LDB2: variants seen among roughly 807,000 people sequenced by gnomAD.
LDB2 encodes LIM domain-binding protein 2.
In LDB2, 12 loss-of-function variants were observed where a neutral mutation model predicts 44.3. That is an observed-to-expected ratio of 0.27 (90% CI 0.17 to 0.44). The LOEUF (loss-of-function observed/expected upper bound fraction) is 0.44, where lower values mean the gene tolerates loss of function less well. Ranked by LOEUF, LDB2 falls within the 20% of genes least tolerant of loss-of-function variation. LDB2 has a pLI of 1.00. For synonymous variants in LDB2, 164 were observed against 174.8 expected (o/e 0.94, Z 0.49); for missense variants, 344 against 473.5 (o/e 0.73, Z 2.54).
intron 2 of LDB2, among the ~76,000 whole-genome samples, chr4:16,642,976 G>A (rs1048870210): frequency 6.6e-6 from 1 of 152,108 alleles, no homozygotes; most frequent in African/African-American, 2.4e-5. Flanking sequence ...TCTTCCACCT[G>A]AATAGCAGGA....
At chr4:16,643,619 A>C (rs1222979135) in intron 2 of LDB2, among the ~76,000 whole-genome samples, 2 of 152,216 alleles carry the variant, frequency 1.3e-5, no homozygotes, top group Non-Finnish European at 2.9e-5. Flanking sequence ...AAATATAGTA[A>C]TTATTTCAAG....
chr4:16,833,578 C>G (rs1416198928), intron 1 of LDB2, among the ~76,000 whole-genome samples: 2 of 141,882 alleles, frequency 1.4e-5, no homozygotes, highest in Non-Finnish European at 3.0e-5. Context: ...GAGTCTCTCT[C>G]TGTCACCAGT....
intron 5 of LDB2, among the ~76,000 whole-genome samples, chr4:16,524,071 G>A (rs1480169873): frequency 6.6e-6 from 1 of 152,200 alleles, no homozygotes; most frequent in Non-Finnish European, 1.5e-5. Context: ...AGGAATGAAT[G>A]CTTGAAAATA....
intron 1 of LDB2, among the ~76,000 whole-genome samples, chr4:16,817,506 G>C (rs1403275690): frequency 6.6e-6 from 1 of 152,164 alleles, no homozygotes; most frequent in African/African-American, 2.4e-5. Context: ...TTGCAAGTCA[G>C]ATTTCAAGAG....
intron 1 of LDB2, among the ~76,000 whole-genome samples, chr4:16,853,247 A>C (rs1561445330): frequency 6.6e-6 from 1 of 152,238 alleles, no homozygotes. Flanking sequence ...ATAAAGGGTT[A>C]ATATCCCAAA....
At chr4:16,702,165 A>G (rs1753594416) in intron 2 of LDB2, among the ~76,000 whole-genome samples, 1 of 152,206 alleles carries the variant, frequency 6.6e-6, no homozygotes, top group Non-Finnish European at 1.5e-5. Flanking sequence ...CCTTGAGGAG[A>G]AAAGAAGTCC....
At chr4:16,701,768 T>C (rs1033133668) in intron 2 of LDB2, among the ~76,000 whole-genome samples, 1 of 152,184 alleles carries the variant, frequency 6.6e-6, no homozygotes, top group Non-Finnish European at 1.5e-5. Flanking sequence ...CTGAGTAATA[T>C]TGTTCACATT....
At chr4:16,676,210 C>A (rs759092735) in intron 2 of LDB2, among the ~76,000 whole-genome samples, 38 of 152,194 alleles carry the variant, frequency 2.5e-4, no homozygotes, top group Non-Finnish European at 4.9e-4. Context: ...AAATGAATTT[C>A]TTCTTTGTTG....
At chr4:16,896,100 G>A (rs532216258) in intron 1 of LDB2, among the ~76,000 whole-genome samples, 112 of 152,080 alleles carry the variant, frequency 7.4e-4, no homozygotes, top group African/African-American at 2.5e-3. Flanking sequence ...AAATGTAAAC[G>A]GTTAGCTCTA....
At chr4:16,749,325 C>T (rs796405629) in intron 2 of LDB2, among the ~76,000 whole-genome samples, 25 of 151,072 alleles carry the variant, frequency 1.7e-4, no homozygotes, top group Admixed American at 4.0e-4. Context: ...TTTGGGAGGC[C>T]GAGGTGGGTG....
chr4:16,614,590 A>C (rs28851271), intron 2 of LDB2, among the ~76,000 whole-genome samples: 3,554 of 151,124 alleles, frequency 0.024, 108 homozygotes, highest in African/African-American at 0.079. Flanking sequence ...CAAAAAAAAA[A>C]AAAAAAAAAA....
chr4:16,670,265 G>A (rs1051622367), intron 2 of LDB2, among the ~76,000 whole-genome samples: 1 of 152,116 alleles, frequency 6.6e-6, no homozygotes, highest in African/African-American at 2.4e-5. Flanking sequence ...AATCTAAGTA[G>A]GTCGCTTAGA....
chr4:16,584,558 C>A (rs1036182222), intron 5 of LDB2, among the ~76,000 whole-genome samples: 10 of 152,328 alleles, frequency 6.6e-5, no homozygotes, highest in African/African-American at 2.4e-4. Context: ...GAGACTACTT[C>A]AGTCACAAGA....
chr4:16,525,656 A>G (rs1289549489), intron 5 of LDB2, among the ~76,000 whole-genome samples: 1 of 152,226 alleles, frequency 6.6e-6, no homozygotes, highest in African/African-American at 2.4e-5. Context: ...TATAAGCAGG[A>G]AAAAAGAAAA....
At chr4:16,735,468 T>C (rs1463267270) in intron 2 of LDB2, among the ~76,000 whole-genome samples, 1 of 152,004 alleles carries the variant, frequency 6.6e-6, no homozygotes, top group Non-Finnish European at 1.5e-5. Context: ...CTGTGGGAGA[T>C]GGGGCTTAAC....
intron 1 of LDB2, among the ~76,000 whole-genome samples, chr4:16,895,501 A>C (rs7671482): frequency 0.41 from 61,655 of 151,972 alleles, 12,703 homozygotes; most frequent in Admixed American, 0.45. Flanking sequence ...GTCCATGTTC[A>C]AAAAGGGGTG....
rs528269641 is a variant in LDB2 at position 16,586,220 on chromosome 4, A to C, written c.532-215T>G. Among the ~76,000 whole-genome samples the C allele has an allele frequency of 1.5e-4, 23 of 152,258 alleles. 2 individuals carry two copies. The South Asian group carries it at 4.6e-3, about 30-fold the overall frequency. The stretch of plus-strand genomic sequence containing the variant: ...ATCAATTGTGCAAGACTGGGGAAAA[A>C]CCAAACTGCTCAGATGTGCTTTCAG... On this transcript the variant is annotated intron_variant, in intron 4 of 7. Coordinates refer to ENST00000304523, the MANE Select transcript of LDB2 (RefSeq NM_001290.5).
chr4:16,754,003 A>G (rs1207059543), intron 2 of LDB2, among the ~76,000 whole-genome samples: 1 of 152,168 alleles, frequency 6.6e-6, no homozygotes, highest in Non-Finnish European at 1.5e-5. Context: ...CCACTTAGAA[A>G]AGAATTAGGT....
rs1309622155 is a variant in LDB2, at chr4:16,502,659, G to T, written c.1106C>A (p.Pro369His). 2 of 1,613,848 alleles carry T rather than the reference G, an allele frequency of 1.2e-6. No individual in the cohort carries two copies. Among genetic ancestry groups the T allele is most frequent in the Non-Finnish European group, 1.7e-6 (2 of 1,179,794 alleles). ...TQETKSENPPPQASQ is the reference protein window; with the variant it reads ...TQETKSENPPHQASQ ...CCGATCATCTTATTGGGAAGCCTGG[G>T]GTGGGGGGTTTTCTGATTTGGTCTC... The change falls in exon 8 of 8, where the codon CCC becomes CAC. Residue 369 changes from proline (P) to histidine (H), a missense_variant. Coordinates refer to ENST00000304523, the MANE Select transcript of LDB2 (RefSeq NM_001290.5).
Sources: gnomAD v4.1 joint callset for allele counts (sites outside exome capture counted in the v4.1 genomes callset) on GRCh38, gnomAD v4.1.1 for gene constraint, MANE v1.5 for transcripts, NCBI Gene and HGNC (gene_info 2026-07-23, HGNC 2026-07-21) for gene names.